CRTAM: variants seen among roughly 807,000 people sequenced by gnomAD.
The protein encoded by CRTAM is cytotoxic and regulatory T-cell molecule.
CRTAM carries 44 observed loss-of-function variants against 50.0 expected under a neutral mutation model. That is an observed-to-expected ratio of 0.88 (90% confidence interval 0.69 to 1.13). The LOEUF (loss-of-function observed/expected upper bound fraction) is 1.13, where lower values mean the gene tolerates loss of function less well. Ranked by LOEUF, CRTAM falls within the 50% of genes most tolerant of loss-of-function variation. CRTAM has a pLI of 0.00. For missense variants in CRTAM, 448 were observed against 457.5 expected, an observed-to-expected ratio of 0.98 and a Z score of 0.19; for synonymous variants, 159 against 169.3, an observed-to-expected ratio of 0.94 and a Z score of 0.47.
chr11:122,851,632 T>C, intron 2 of CRTAM, 61 bp from the exon 3 acceptor site: 1 of 1,524,268 alleles, frequency 6.6e-7, no homozygotes, highest in East Asian at 2.3e-5. Flanking sequence ...ATCTACTGGG[T>C]AGAGGCCAAC....
chr11:122,854,237 C>A, intron 4 of CRTAM, 151 bp downstream of exon 4: 1 of 741,774 alleles, frequency 1.3e-6, no homozygotes, highest in Non-Finnish European at 2.1e-6. Context: ...TTCTTACAAC[C>A]AATCAATTTT....
At position 122,868,065 on chromosome 11, in the gene CRTAM, T is replaced by G. The variant is rs771127249; in HGVS notation, c.1017T>G (p.Asn339Lys). Residue 339 changes from asparagine to lysine, a missense_variant, in exon 9 of 10, where the codon AAT becomes AAG. By Grantham distance (94) the Asn-to-Lys change is moderately conservative. Coordinates refer to ENST00000227348, the MANE Select transcript of CRTAM (RefSeq NM_019604.4). Reference sequence around the variant, plus strand: ...AAAGTTACAGATCAAGGTCAAATAATGAAGAAACATCATCTGAAGAGAAAA... The same window carrying G: ...AAAGTTACAGATCAAGGTCAAATAAGGAAGAAACATCATCTGAAGAGAAAA... ...TLESYRSRSNNEETSSEEKNG... is the reference protein window; with the variant it reads ...TLESYRSRSNKEETSSEEKNG... 6.2e-7 allele frequency: 1 copy of G among 1,613,284 alleles called. No homozygotes were observed. The highest frequency in any genetic ancestry group is 1.1e-5 in the South Asian group (1 of 91,064).
rs17126930 is a variant in CRTAM, at chr11:122,868,010, T to C, written c.965-3T>C. On this transcript the variant is annotated splice_polypyrimidine_tract_variant and splice_region_variant and intron_variant, in intron 8 of 9. Coordinates refer to ENST00000227348, the MANE Select transcript of CRTAM (RefSeq NM_019604.4). ...TTAGTTGCTTGATTTTCTTTTTTTGTAGAAAACGAAGTTTCAGAACACACA... is the reference window on the plus strand; with the variant it reads ...TTAGTTGCTTGATTTTCTTTTTTTGCAGAAAACGAAGTTTCAGAACACACA... 158,001 of 1,592,416 alleles carry C rather than the reference T, an allele frequency of 0.099. 8,558 individuals carry two copies. Among genetic ancestry groups the C allele is most frequent in the East Asian group, 0.15 (6,534 of 44,726 alleles).
intron 5 of CRTAM, among the ~76,000 whole-genome samples, chr11:122,859,713 T>G (rs1862049016): frequency 6.6e-6 from 1 of 152,214 alleles, no homozygotes; most frequent in African/African-American, 2.4e-5. Flanking sequence ...CAAGTAGTAG[T>G]TTCTTAAAGA....
At chr11:122,860,914 C>G (rs1183654384) in intron 5 of CRTAM, among the ~76,000 whole-genome samples, 1 of 152,144 alleles carries the variant, frequency 6.6e-6, no homozygotes, top group Non-Finnish European at 1.5e-5. Flanking sequence ...CTAGGCTGGT[C>G]TCAAACTCCT....
intron 5 of CRTAM, among the ~76,000 whole-genome samples, chr11:122,859,725 T>C (rs1862049201): frequency 1.3e-5 from 2 of 152,322 alleles, no homozygotes; most frequent in South Asian, 4.1e-4. Flanking sequence ...TCTTAAAGAT[T>C]AGTTGCTATG....
At chr11:122,841,541 C>T (rs1029763121) in intron 1 of CRTAM, among the ~76,000 whole-genome samples, 1 of 151,878 alleles carries the variant, frequency 6.6e-6, no homozygotes, top group Non-Finnish European at 1.5e-5. Flanking sequence ...GCTGGGACTA[C>T]AGGCACCCGC....
intron 3 of CRTAM, among the ~76,000 whole-genome samples, 196 bp from the exon 4 acceptor site, chr11:122,853,747 G>A (rs1591351762): frequency 1.3e-5 from 2 of 152,084 alleles, no homozygotes; most frequent in East Asian, 3.9e-4. Context: ...GAACCTGGGA[G>A]GTGGCGGTTT....
At chr11:122,859,795 G>A (rs1198727386) in intron 5 of CRTAM, among the ~76,000 whole-genome samples, 2 of 152,120 alleles carry the variant, frequency 1.3e-5, no homozygotes, top group Non-Finnish European at 2.9e-5. Context: ...CCACTGAACT[G>A]TCTTACACTT....
intron 5 of CRTAM, among the ~76,000 whole-genome samples, chr11:122,857,008 T>C (rs1274646933): frequency 1.3e-5 from 2 of 151,976 alleles, no homozygotes; most frequent in African/African-American, 4.8e-5. Flanking sequence ...CTAAAGACAT[T>C]CAGGTTCTTC....
rs1036174546 is a variant in CRTAM, at chr11:122,863,850, A to G, written c.734-786A>G. Among the ~76,000 whole-genome samples the G allele has an allele frequency of 7.9e-5, 12 of 152,232 alleles. 1 individual carries two copies. The highest frequency in any genetic ancestry group is 5.2e-4 in the Admixed American group (8 of 15,280). ...TTCAGCTTTCCATTTCTACGATTTT[A>G]TTACATTTAATACCCATTTTCAATA... On this transcript the variant is annotated intron_variant, in intron 6 of 9. Coordinates refer to ENST00000227348, the MANE Select transcript of CRTAM (RefSeq NM_019604.4).
chr11:122,854,956 A>G (rs1861985977), intron 4 of CRTAM, among the ~76,000 whole-genome samples: 1 of 151,972 alleles, frequency 6.6e-6, no homozygotes, highest in Non-Finnish European at 1.5e-5. Flanking sequence ...GTAATCAACC[A>G]TCTTTTTTTT....
intron 6 of CRTAM, among the ~76,000 whole-genome samples, chr11:122,864,079 A>G (rs959049948): frequency 6.6e-6 from 1 of 152,178 alleles, no homozygotes; most frequent in Non-Finnish European, 1.5e-5. Context: ...TGGGGAGGCA[A>G]GCAGAGGTTT....
At chr11:122,856,895 C>A (rs1023470130) in intron 5 of CRTAM, among the ~76,000 whole-genome samples, 3 of 151,962 alleles carry the variant, frequency 2.0e-5, no homozygotes, top group African/African-American at 7.2e-5. Flanking sequence ...CTTACACAAC[C>A]ACCCCCACCC....
Position 122,850,078 on chromosome 11 carries a change from G to A in CRTAM, c.57G>A (p.Leu19=), listed in dbSNP as rs1302567207. ...TCTCTTCCTCCACAGAGGCCTCTCTGACTAACCACACAGAAACCATCACCG... is the reference window on the plus strand; with the variant it reads ...TCTCTTCCTCCACAGAGGCCTCTCTAACTAACCACACAGAAACCATCACCG... ...LAWFPLQEAS[L]TNHTETITVE... is the part of the protein sequence containing the mutation. Residue 19 remains leucine, a synonymous_variant, in exon 2 of 10, where the codon CTG becomes CTA. Coordinates refer to ENST00000227348, the MANE Select transcript of CRTAM (RefSeq NM_019604.4). The A allele has an allele frequency of 6.2e-7, 1 of 1,609,502 alleles. No individual in the cohort carries two copies. Among genetic ancestry groups the A allele is most frequent in the Non-Finnish European group, 8.5e-7 (1 of 1,177,354 alleles).
intron 5 of CRTAM, among the ~76,000 whole-genome samples, chr11:122,859,901 T>C (rs781317497): frequency 3.3e-5 from 5 of 151,766 alleles, no homozygotes; most frequent in Non-Finnish European, 7.4e-5. Flanking sequence ...CTTTCCAATG[T>C]TGATATATTT....
intron 3 of CRTAM, 82 bp from the exon 4 acceptor site, chr11:122,853,861 C>A: frequency 7.6e-7 from 1 of 1,318,896 alleles, no homozygotes; most frequent in South Asian, 1.4e-5. Flanking sequence ...ATAACAATCA[C>A]CTACAGATTA....
intron 9 of CRTAM, among the ~76,000 whole-genome samples, chr11:122,870,717 A>G (rs1445480383): frequency 6.6e-6 from 1 of 152,238 alleles, no homozygotes; most frequent in Non-Finnish European, 1.5e-5. Context: ...ATTATTTTAC[A>G]GCAGAAATAT....
chr11:122,866,967 A>C (rs1862183684), intron 7 of CRTAM, among the ~76,000 whole-genome samples: 1 of 152,248 alleles, frequency 6.6e-6, no homozygotes, highest in Non-Finnish European at 1.5e-5. Context: ...GTAGGGCCAC[A>C]TTTAACCTAA....
Sources: allele counts gnomAD v4.1 joint callset (sites outside exome capture counted in the v4.1 genomes callset), GRCh38; gene constraint gnomAD v4.1.1; transcripts MANE v1.5; gene names NCBI Gene and HGNC (gene_info 2026-07-23, HGNC 2026-07-21).